Variants in AUTS2 observed in about 807,000 individuals in gnomAD.
AUTS2 encodes the protein activator of transcription and developmental regulator AUTS2.
Under a neutral mutation model 112.4 loss-of-function variants are expected in AUTS2, and 17 were observed. That is an observed-to-expected ratio of 0.15 (90% CI 0.10 to 0.23). AUTS2 has a LOEUF of 0.23. AUTS2 is among the 10% of genes least tolerant of loss of function. The pLI is 1.00. For synonymous variants in AUTS2, 751 were observed against 702.7 expected, an observed-to-expected ratio of 1.07 and a Z score of -1.09; for missense variants, 1,510 against 1,701.6, an observed-to-expected ratio of 0.89 and a Z score of 1.98.
At chr7:70,065,835 A>T (rs1342267592) in intron 2 of AUTS2, among the ~76,000 whole-genome samples, 1 of 152,148 alleles carries the variant, frequency 6.6e-6, no homozygotes, top group Non-Finnish European at 1.5e-5. Context: ...CCTCTTGGGT[A>T]GCTAGGACTG....
At chr7:70,360,880 G>T (rs530148276) in intron 4 of AUTS2, among the ~76,000 whole-genome samples, 1 of 152,238 alleles carries the variant, frequency 6.6e-6, no homozygotes, top group African/African-American at 2.4e-5. Context: ...AGGACATGCC[G>T]TGAATTTGCT....
chr7:69,880,503 C>T (rs1254813982), intron 1 of AUTS2, among the ~76,000 whole-genome samples: 1 of 152,100 alleles, frequency 6.6e-6, no homozygotes, highest in Non-Finnish European at 1.5e-5. Context: ...ATTATCTATC[C>T]AGAGGATCAT....
chr7:69,850,543 C>T (rs1037036522), intron 1 of AUTS2, among the ~76,000 whole-genome samples: 2 of 147,678 alleles, frequency 1.4e-5, no homozygotes, highest in African/African-American at 5.0e-5. Flanking sequence ...TTTAATATGG[C>T]TGTTCTGATA....
chr7:70,755,669 C>G (rs1001204149), intron 6 of AUTS2, among the ~76,000 whole-genome samples: 18 of 148,358 alleles, frequency 1.2e-4, no homozygotes, highest in Admixed American at 8.7e-4. Context: ...GACTCCATCT[C>G]AAAAAAAAAA....
rs190972887 is a variant in AUTS2 at position 69,795,409 on chromosome 7, G to A, written c.310-103877G>A. 3.9e-5 allele frequency among the ~76,000 whole-genome samples: 6 copies of A among 152,314 alleles called. No individual in the cohort carries two copies. In the East Asian group the frequency reaches 1.2e-3, roughly 29 times the overall value. Reference sequence around the variant, plus strand: ...AAGTTAACTCTTGTAGCCAGGCGGAGTGGCTCATACCTATAATCCAAACAC... The same window carrying A: ...AAGTTAACTCTTGTAGCCAGGCGGAATGGCTCATACCTATAATCCAAACAC... On this transcript the variant is annotated intron_variant, in intron 1 of 18. Transcript: ENST00000342771.
intron 4 of AUTS2, among the ~76,000 whole-genome samples, chr7:70,168,165 C>G (rs1367661598): frequency 1.3e-5 from 2 of 152,206 alleles, no homozygotes. Flanking sequence ...CTTTACACTC[C>G]AGTGGTACTC....
rs374126278 is a variant in AUTS2, at chr7:70,790,627, G to A, written c.3411G>A (p.Val1137=). ...HHHHHHHPLS[V]DPRREHERGG... ...ACCACCACCACCACCCGCTGTCTGTGGACCCTCGGCGGGAGCACGAGCGGG... is the reference window on the plus strand; with the variant it reads ...ACCACCACCACCACCCGCTGTCTGTAGACCCTCGGCGGGAGCACGAGCGGG... The change falls in exon 19 of 19, where the codon GTG becomes GTA. Residue 1137 remains valine, a synonymous_variant. Transcript: ENST00000342771. The surrounding 1 kb of genome is among the most constrained non-coding windows in gnomAD (Gnocchi z 7.6). 37 of 1,611,472 alleles carry A rather than the reference G, an allele frequency of 2.3e-5. No individual in the cohort carries two copies. The African/African-American group carries it at 4.4e-4, about 19-fold the overall frequency.
chr7:70,644,904 C>G (rs1294735846), intron 5 of AUTS2, among the ~76,000 whole-genome samples: 2 of 152,118 alleles, frequency 1.3e-5, no homozygotes, highest in Non-Finnish European at 1.5e-5. Flanking sequence ...TTCTCCTGCT[C>G]CTTGACCTCT....
intron 1 of AUTS2, among the ~76,000 whole-genome samples, chr7:69,849,024 T>C (rs1159429384): frequency 6.6e-6 from 1 of 151,898 alleles, no homozygotes; most frequent in African/African-American, 2.4e-5. Flanking sequence ...TCTACAAAAA[T>C]AAAAAAAATT....
intron 5 of AUTS2, among the ~76,000 whole-genome samples, chr7:70,489,098 C>CA (rs1269458125): frequency 6.6e-6 from 1 of 152,060 alleles, no homozygotes; most frequent in African/African-American, 2.4e-5. Context: ...AGGAAACCAA[C>CA]AAAAAACACA....
At chr7:70,697,560 T>TCCCC (rs10636908) in intron 5 of AUTS2, among the ~76,000 whole-genome samples, 2,059 of 127,642 alleles carry the variant, frequency 0.016, 25 homozygotes, top group Middle Eastern at 0.073. Context: ...ACTTCAGAAT[T>TCCCC]CCCCCCCCCC....
At chr7:69,776,788 G>A (rs1417812060) in intron 1 of AUTS2, among the ~76,000 whole-genome samples, 4 of 152,168 alleles carry the variant, frequency 2.6e-5, no homozygotes, top group African/African-American at 9.7e-5. Flanking sequence ...TACAGAAGAT[G>A]TGGGTATTGG....
chr7:69,599,582 T>A lies in AUTS2; in HGVS notation c.-72T>A. On this transcript the variant is annotated 5_prime_UTR_variant, in exon 1 of 19. Transcript: ENST00000342771. This position sits in a 1 kb window ranked among gnomAD's most constrained non-coding sequence, Gnocchi z 7.0. ...GTGAAGGGGGAGGGAGGGCTCGGTG[T>A]CAATTTTTTTTTGTGTGGCTGCGGC... 8.1e-7 allele frequency: 1 copy of A among 1,232,058 alleles called. No homozygotes were observed. Among genetic ancestry groups the A allele is most frequent in the Non-Finnish European group, 1.0e-6 (1 of 986,592 alleles). 76.3% of individuals were successfully genotyped at this position (1,232,058 alleles called of 1,614,324 possible).
intron 1 of AUTS2, among the ~76,000 whole-genome samples, chr7:69,656,157 G>A (rs984783876): frequency 6.6e-6 from 1 of 152,202 alleles, no homozygotes; most frequent in African/African-American, 2.4e-5. Context: ...CTTGGGGCCT[G>A]TTGGCAAATG....
chr7:69,894,491 T>C (rs1283665554), intron 1 of AUTS2, among the ~76,000 whole-genome samples: 1 of 151,974 alleles, frequency 6.6e-6, no homozygotes, highest in Non-Finnish European at 1.5e-5. Flanking sequence ...AAGTGGCAAA[T>C]CTTGAATCCT....
At chr7:69,688,553 A>G (rs763265506) in intron 1 of AUTS2, among the ~76,000 whole-genome samples, 10 of 152,348 alleles carry the variant, frequency 6.6e-5, no homozygotes, top group South Asian at 6.2e-4. Flanking sequence ...GATGTTCAAT[A>G]CATACAATGT....
At chr7:70,129,026 A>G (rs2129574402) in intron 3 of AUTS2, among the ~76,000 whole-genome samples, 1 of 152,310 alleles carries the variant, frequency 6.6e-6, no homozygotes, top group East Asian at 1.9e-4. Context: ...TATCCAAATT[A>G]TGTCATTGTA....
At chr7:70,134,174 C>T (rs1806420140) in intron 3 of AUTS2, among the ~76,000 whole-genome samples, 1 of 152,078 alleles carries the variant, frequency 6.6e-6, no homozygotes. Flanking sequence ...GAGACCAGGG[C>T]ATTGAATGTC....
chr7:69,686,386 A>T (rs900848805), intron 1 of AUTS2, among the ~76,000 whole-genome samples: 2 of 152,192 alleles, frequency 1.3e-5, no homozygotes, highest in African/African-American at 4.8e-5. Context: ...TCCTAATATG[A>T]ACCAAAAAAT....
Sources: gnomAD v4.1 joint callset for allele counts (sites outside exome capture counted in the v4.1 genomes callset) on GRCh38, gnomAD v4.1.1 for gene constraint, Gnocchi (gnomAD v3.1) non-coding constraint, MANE v1.5 for transcripts, NCBI Gene and HGNC (gene_info 2026-07-23, HGNC 2026-07-21) for gene names.